The following DIP2C variants were observed in gnomAD, a reference collection of about 807,000 sequenced individuals.
The protein encoded by DIP2C is disco-interacting protein 2 homolog C.
Under a neutral mutation model 192.4 loss-of-function variants are expected in DIP2C, and 33 were observed. The observed-to-expected ratio is 0.17, with a 90% confidence interval of 0.13 to 0.23. DIP2C has a LOEUF of 0.23. Ranked by LOEUF, DIP2C falls within the 10% of genes least tolerant of loss-of-function variation. DIP2C has a pLI of 1.00. For missense variants in DIP2C, 1,537 were observed against 2,110.1 expected (o/e 0.73, Z 5.32); for synonymous variants, 979 against 864.1 (o/e 1.13, Z -2.33).
chr10:576,834 G>A (rs1218880888), intron 1 of DIP2C, among the ~76,000 whole-genome samples: 2 of 152,112 alleles, frequency 1.3e-5, no homozygotes, highest in Non-Finnish European at 1.5e-5. Context: ...TTGAACCTGG[G>A]AGGTGGAGGA....
rs532586179 is a variant in DIP2C at position 510,504 on chromosome 10, C to T, written c.86-23974G>A. Among the ~76,000 whole-genome samples, 12 of 152,364 alleles carry T rather than the reference C, an allele frequency of 7.9e-5. No individual in the cohort carries two copies. In the South Asian group the frequency reaches 8.3e-4, roughly 11 times the overall value. On this transcript the variant is annotated intron_variant, in intron 1 of 36. Transcript: ENST00000280886. ...GCCTGGGGTTCTCGTGACCACCTTC[C>T]GGAAAGCTCTCGCCTGCTTTACAGC... is the stretch of plus-strand genomic sequence containing the variant.
Position 483,613 on chromosome 10 carries a change from C to T in DIP2C, c.157+2846G>A, listed in dbSNP as rs546163741. Among the ~76,000 whole-genome samples the T allele has an allele frequency of 1.1e-3, 173 of 152,320 alleles. No homozygotes were observed. In the South Asian group the frequency reaches 0.014, roughly 12 times the overall value. ...GGCAGATAAATTCTGAAATGGACCT[C>T]GTGGCTAAAACCCAGCCCTGTCGCC... On this transcript the variant is annotated intron_variant, in intron 2 of 36. Transcript: ENST00000280886.
At chr10:449,198 G>C (rs937877159) in intron 3 of DIP2C, among the ~76,000 whole-genome samples, 2 of 151,994 alleles carry the variant, frequency 1.3e-5, no homozygotes, top group African/African-American at 4.8e-5. Context: ...ACATACAGTG[G>C]GGCAGCAAGA....
intron 1 of DIP2C, among the ~76,000 whole-genome samples, chr10:562,146 A>T (rs1017643395): frequency 6.6e-6 from 1 of 152,238 alleles, no homozygotes; most frequent in African/African-American, 2.4e-5. Flanking sequence ...GTTCTCCACA[A>T]TGATCCTGAC....
chr10:674,720 G>A (rs944199436), intron 1 of DIP2C, among the ~76,000 whole-genome samples: 2 of 147,858 alleles, frequency 1.4e-5, no homozygotes, highest in Non-Finnish European at 3.0e-5. Flanking sequence ...AATGAGTCGA[G>A]ATTGCACCAC....
intron 1 of DIP2C, among the ~76,000 whole-genome samples, chr10:575,698 G>A (rs933256484): frequency 3.3e-5 from 5 of 152,180 alleles, no homozygotes; most frequent in African/African-American, 7.2e-5. Context: ...GTTCCTGGAG[G>A]AGAACAGCAC....
chr10:281,059 TAA>T (rs1259182613), intron 36 of DIP2C, 139 bp downstream of exon 36: 1 of 1,224,598 alleles, frequency 8.2e-7, no homozygotes, highest in African/African-American at 1.5e-5. Flanking sequence ...CCCCAAAAGA[TAA>T]AGATTTATAG....
chr10:579,834 G>A lies in DIP2C; in HGVS notation c.86-93304C>T, dbSNP rs538983751. On this transcript the variant is annotated intron_variant, in intron 1 of 36. Transcript: ENST00000280886. ...ACTATAATGTGTACATGCATAGCAT[G>A]TACACACATCTGTACAGTGTACATG... Among the ~76,000 whole-genome samples, 14 of 151,946 alleles carry A rather than the reference G, an allele frequency of 9.2e-5. No homozygotes were observed. The South Asian group carries it at 1.9e-3, about 20-fold the overall frequency.
At position 286,255 on chromosome 10, in the gene DIP2C, G is replaced by A. The variant is rs781295839; in HGVS notation, c.4119+18C>T. 9 of 1,613,090 alleles carry A rather than the reference G, an allele frequency of 5.6e-6. No homozygotes were observed. The highest frequency in any genetic ancestry group is 1.3e-5 in the African/African-American group (1 of 74,882). On this transcript the variant is annotated intron_variant, in intron 34 of 36. Transcript: ENST00000280886. Reference sequence around the variant, plus strand: ...ATAACAGAAAAGTAACCTGGATCTCGGAGGACACTCAACTCACCTCTCCAA... The same window carrying A: ...ATAACAGAAAAGTAACCTGGATCTCAGAGGACACTCAACTCACCTCTCCAA...
chr10:569,802 A>G (rs1015665917), intron 1 of DIP2C, among the ~76,000 whole-genome samples: 5 of 152,152 alleles, frequency 3.3e-5, no homozygotes, highest in African/African-American at 7.2e-5. Flanking sequence ...GATGGCCACA[A>G]GGACATGGCA....
intron 14 of DIP2C, among the ~76,000 whole-genome samples, chr10:386,565 C>A (rs1358504406): frequency 1.3e-5 from 2 of 152,186 alleles, no homozygotes. Context: ...CCATCTTATC[C>A]CCCAACAGCA....
intron 3 of DIP2C, among the ~76,000 whole-genome samples, chr10:458,021 C>A (rs577332543): frequency 5.9e-5 from 9 of 152,152 alleles, no homozygotes; most frequent in African/African-American, 1.9e-4. Context: ...CCCAGCCACC[C>A]GCCCGAAAGT....
At chr10:555,209 C>G (rs544322753) in intron 1 of DIP2C, among the ~76,000 whole-genome samples, 1 of 150,762 alleles carries the variant, frequency 6.6e-6, no homozygotes, top group Non-Finnish European at 1.5e-5. Flanking sequence ...TTTTCCCAAG[C>G]CATTACTGAG....
intron 24 of DIP2C, among the ~76,000 whole-genome samples, chr10:354,479 T>C (rs1205702293): frequency 6.6e-6 from 1 of 152,206 alleles, no homozygotes; most frequent in Non-Finnish European, 1.5e-5. Context: ...CTCCTCCTGA[T>C]GGTACATGTT....
intron 17 of DIP2C, among the ~76,000 whole-genome samples, chr10:370,873 A>G (rs1481459602): frequency 6.6e-6 from 1 of 152,236 alleles, no homozygotes. Context: ...TTGGAAAAGG[A>G]GATCTCATTT....
chr10:631,279 T>C (rs989527524), intron 1 of DIP2C: 2 of 152,260 alleles, frequency 1.3e-5, no homozygotes, highest in Admixed American at 6.5e-5. Context: ...ACTTTCTCCT[T>C]ATTACATGTC....
At chr10:471,961 A>G (rs1374578222) in intron 3 of DIP2C, among the ~76,000 whole-genome samples, 1 of 152,188 alleles carries the variant, frequency 6.6e-6, no homozygotes, top group Non-Finnish European at 1.5e-5. Flanking sequence ...TCAGCTGGCC[A>G]AGCCCAGGTG....
chr10:569,163 AG>A (rs1182261671), intron 1 of DIP2C, among the ~76,000 whole-genome samples: 1 of 152,228 alleles, frequency 6.6e-6, no homozygotes, highest in Non-Finnish European at 1.5e-5. Flanking sequence ...TTTTAACAAA[AG>A]AAAAAGAATA....
chr10:400,076 A>T (rs1485709950), intron 9 of DIP2C, among the ~76,000 whole-genome samples: 109 of 152,220 alleles, frequency 7.2e-4, no homozygotes, highest in Non-Finnish European at 1.0e-4. Flanking sequence ...AAACAAGTTC[A>T]CTCTATTACC....
Sources: gnomAD v4.1 joint callset for allele counts (sites outside exome capture counted in the v4.1 genomes callset) on GRCh38, gnomAD v4.1.1 for gene constraint, MANE v1.5 for transcripts, NCBI Gene and HGNC (gene_info 2026-07-23, HGNC 2026-07-21) for gene names.